Variants in TRMT11 observed in about 807,000 individuals in gnomAD.
The protein encoded by TRMT11 is tRNA methyltransferase 11, also known as tRNA (guanine(10)-N(2))-methyltransferase TRMT11.
Under a neutral mutation model 62.8 loss-of-function variants are expected in TRMT11, and 53 were observed. That is an observed-to-expected ratio of 0.84 (90% CI 0.68 to 1.06). The LOEUF (loss-of-function observed/expected upper bound fraction) is 1.06, where lower values mean the gene tolerates loss of function less well. TRMT11 is among the 50% of genes least tolerant of loss of function. The pLI is 0.00. For synonymous variants in TRMT11, 188 were observed against 190.3 expected, an observed-to-expected ratio of 0.99 and a Z score of 0.10; for missense variants, 556 against 553.4, an observed-to-expected ratio of 1.00 and a Z score of -0.05.
chr6:126,116,646 A>G (rs1484220098), intron 21 of TRMT11, among the ~76,000 whole-genome samples: 3 of 152,110 alleles, frequency 2.0e-5, no homozygotes, highest in African/African-American at 4.8e-5. Flanking sequence ...TATGTATCTC[A>G]TTAAGACAGC....
intron 12 of TRMT11, among the ~76,000 whole-genome samples, chr6:126,036,574 G>T (rs773808106): frequency 7.9e-5 from 12 of 152,078 alleles, no homozygotes; most frequent in Non-Finnish European, 1.8e-4. Flanking sequence ...TGATTTTGAT[G>T]ACTGGATGGG....
rs117786466 is a variant in TRMT11, at chr6:126,090,737, G to A, written c.*1438-22129G>A. On this transcript the variant is annotated intron_variant and NMD_transcript_variant, in intron 17 of 22. Coordinates refer to the TRMT11 transcript ENST00000648977. ...CTGGTTCATTCTGACATTCATTTGC[G>A]GCATTTCCATGACTGAAATAACCAC... 9.7e-3 allele frequency among the ~76,000 whole-genome samples: 1,472 copies of A among 152,066 alleles called. 11 individuals carry two copies. The highest frequency in any genetic ancestry group is 0.019 in the South Asian group (90 of 4,806).
intron 16 of TRMT11, among the ~76,000 whole-genome samples, chr6:126,045,174 C>T (rs867520480): frequency 2.7e-5 from 4 of 146,938 alleles, no homozygotes; most frequent in Admixed American, 1.3e-4. Context: ...GGTGACAGAG[C>T]GAGACTCCAT....
intron 7 of TRMT11, 51 bp downstream of exon 7, chr6:125,999,664 TAATG>T (rs1792158189): frequency 4.1e-6 from 6 of 1,478,682 alleles, no homozygotes; most frequent in South Asian, 1.3e-5. Context: ...TTATTTATAT[TAATG>T]AAGGTCATGG....
intron 9 of TRMT11, among the ~76,000 whole-genome samples, chr6:126,012,131 G>A (rs1451556169): frequency 6.6e-6 from 1 of 152,094 alleles, no homozygotes; most frequent in Non-Finnish European, 1.5e-5. Flanking sequence ...CAAATGTAAT[G>A]TAACAAAAGA....
At chr6:126,242,746 A>G in the TRMT11 span, among the ~76,000 whole-genome samples, 2 of 152,216 alleles carry the variant, frequency 1.3e-5, no homozygotes, top group Admixed American at 6.5e-5. Flanking sequence ...GAAAGCTGAA[A>G]CTGGACCCCT....
chr6:126,129,333 C>G (rs1466209945), intron 21 of TRMT11, among the ~76,000 whole-genome samples: 1 of 152,048 alleles, frequency 6.6e-6, no homozygotes, highest in Non-Finnish European at 1.5e-5. Flanking sequence ...TGAGTTAATG[C>G]ATGTGAAGTG....
At chr6:126,097,920 T>G (rs986998296) in intron 17 of TRMT11, among the ~76,000 whole-genome samples, 15 of 152,204 alleles carry the variant, frequency 9.9e-5, no homozygotes, top group Non-Finnish European at 2.2e-4. Context: ...TTTTGTTTAT[T>G]CTTATGGTAA....
chr6:126,174,589 C>A (rs532698231), upstream of TRMT11, among the ~76,000 whole-genome samples: 40 of 152,320 alleles, frequency 2.6e-4, no homozygotes, highest in African/African-American at 7.5e-4. Context: ...TGTTTATTCC[C>A]TGGCAGTTAA....
intron 12 of TRMT11, among the ~76,000 whole-genome samples, chr6:126,028,197 G>C (rs1196863674): frequency 1.3e-5 from 2 of 152,078 alleles, no homozygotes; most frequent in Non-Finnish European, 2.9e-5. Flanking sequence ...AAAACTGTGG[G>C]TTCCCTTTTG....
intron 8 of TRMT11, among the ~76,000 whole-genome samples, chr6:126,009,666 CATTT>C (rs1181550458): frequency 6.6e-6 from 1 of 151,898 alleles, no homozygotes; most frequent in Admixed American, 6.6e-5. Context: ...AATTTAGTAA[CATTT>C]ATTAGGAAAA....
intron 17 of TRMT11, among the ~76,000 whole-genome samples, chr6:126,091,347 C>T (rs773714531): frequency 1.3e-5 from 2 of 152,146 alleles, no homozygotes; most frequent in South Asian, 4.1e-4. Context: ...ACCGACTTTT[C>T]GCCACTCACA....
intron 2 of TRMT11, among the ~76,000 whole-genome samples, chr6:125,994,141 G>A (rs1196002376): frequency 2.0e-5 from 3 of 152,164 alleles, no homozygotes; most frequent in Admixed American, 1.3e-4. Flanking sequence ...TGTTGGGCTC[G>A]TGTTGAGAAT....
intron 17 of TRMT11, among the ~76,000 whole-genome samples, chr6:126,110,100 C>A (rs1777513428): frequency 6.6e-6 from 1 of 152,162 alleles, no homozygotes; most frequent in Non-Finnish European, 1.5e-5. Flanking sequence ...GCATGATCAG[C>A]TGATGCTGCT....
At chr6:126,084,241 C>T (rs1246503023) in intron 17 of TRMT11, among the ~76,000 whole-genome samples, 1 of 152,046 alleles carries the variant, frequency 6.6e-6, no homozygotes, top group Non-Finnish European at 1.5e-5. Context: ...TTTCCAAACC[C>T]TCACCAACAT....
chr6:126,060,249 C>G (rs1019882726), intron 17 of TRMT11, among the ~76,000 whole-genome samples: 6 of 152,214 alleles, frequency 3.9e-5, no homozygotes. Context: ...TTTTTCAATT[C>G]AGAATTTTAG....
chr6:126,062,760 ATG>A (rs1161700523), intron 17 of TRMT11, among the ~76,000 whole-genome samples: 1 of 152,202 alleles, frequency 6.6e-6, no homozygotes, highest in African/African-American at 2.4e-5. Flanking sequence ...TTTCCCGTAA[ATG>A]TGTTTCTTTA....
chr6:126,122,305 C>A (rs896968090), intron 21 of TRMT11, among the ~76,000 whole-genome samples: 27 of 152,046 alleles, frequency 1.8e-4, no homozygotes, highest in Admixed American at 1.8e-3. Flanking sequence ...CAAATGAGAG[C>A]CTCCACAGCA....
intron 5 of TRMT11, 42 bp from the exon 6 acceptor site, chr6:125,998,508 T>G (rs1237087419): frequency 6.3e-7 from 1 of 1,580,108 alleles, no homozygotes; most frequent in Non-Finnish European, 8.6e-7. Context: ...TTTTTCATTG[T>G]AAATTATTAT....
Sources: allele counts gnomAD v4.1 joint callset (sites outside exome capture counted in the v4.1 genomes callset), GRCh38; gene constraint gnomAD v4.1.1; transcripts MANE v1.5; gene names NCBI Gene and HGNC (gene_info 2026-07-23, HGNC 2026-07-21).